Variants in DDX42 observed in about 807,000 individuals in gnomAD.
DDX42 encodes the protein DEAD-box helicase 42, also known as ATP-dependent RNA helicase DDX42.
A neutral mutation model predicts 101.5 loss-of-function variants in DDX42; 22 were observed. The observed-to-expected ratio is 0.22, with a 90% confidence interval of 0.15 to 0.31. The LOEUF (loss-of-function observed/expected upper bound fraction) is 0.31. Among genes scored for constraint, DDX42 ranks in the 10% least tolerant of loss-of-function variants. DDX42 has a pLI of 1.00. For missense variants in DDX42, 849 were observed against 1,199.9 expected, an observed-to-expected ratio of 0.71 and a Z score of 4.32; for synonymous variants, 402 against 401.2, an observed-to-expected ratio of 1.00 and a Z score of -0.02.
intron 6 of DDX42, 135 bp from the exon 7 acceptor site, chr17:63,804,936 A>G: frequency 1.8e-6 from 2 of 1,094,912 alleles, no homozygotes; most frequent in Non-Finnish European, 2.5e-6. Flanking sequence ...GCTGAGAATA[A>G]ATTAATTTTT....
Position 63,817,860 on chromosome 17 carries a change from C to T in DDX42, c.2279C>T (p.Ala760Val). 6.2e-7 allele frequency: 1 copy of T among 1,614,196 alleles called. No individual in the cohort carries two copies. Among genetic ancestry groups the T allele is most frequent in the East Asian group, 2.2e-5 (1 of 44,880 alleles). ...NSPDSPVTSAAKGIPGFGNTG... is the reference protein window; with the variant it reads ...NSPDSPVTSAVKGIPGFGNTG... Reference sequence around the variant, plus strand: ...CCTGACAGCCCCGTCACCAGTGCCGCCAAGGGCATCCCAGGCTTTGGCAAT... The same window carrying T: ...CCTGACAGCCCCGTCACCAGTGCCGTCAAGGGCATCCCAGGCTTTGGCAAT... Residue 760 changes from alanine to valine, a missense_variant, in exon 18 of 18, where the codon GCC becomes GTC. Around this residue, in one of 5 missense-constraint regions of DDX42, gnomAD observed 300 missense variants for 304.9 expected, o/e 0.98. Transcript: ENST00000389924.
intron 1 of DDX42, among the ~76,000 whole-genome samples, chr17:63,781,214 GT>G (rs2039483933): frequency 6.6e-6 from 1 of 151,874 alleles, no homozygotes; most frequent in South Asian, 2.1e-4. Flanking sequence ...AAGAATTTTA[GT>G]TCTTTTTGTT....
At position 63,813,409 on chromosome 17, in the gene DDX42, A is replaced by C. The variant is rs751321909; in HGVS notation, c.1857A>C (p.Gly619=). The change falls in exon 15 of 18, where the codon GGA becomes GGC. Residue 619 remains glycine, a synonymous_variant. Coordinates refer to ENST00000389924, the MANE Select transcript of DDX42 (RefSeq NM_203499.3). ...GTGACCTGGTCCGGAACTTGGAAGGAGCCAATCAACACGTTTCTAAGGAAC... is the reference window on the plus strand; with the variant it reads ...GTGACCTGGTCCGGAACTTGGAAGGCGCCAATCAACACGTTTCTAAGGAAC... The part of the protein sequence containing the change: ...FAGDLVRNLE[G]ANQHVSKELL... 15 of 1,614,092 alleles carry C rather than the reference A, an allele frequency of 9.3e-6. No individual in the cohort carries two copies. The highest frequency in any genetic ancestry group is 3.4e-6 in the Non-Finnish European group (4 of 1,180,054).
At chr17:63,779,908 T>G (rs1360392024) in intron 1 of DDX42, among the ~76,000 whole-genome samples, 3 of 152,080 alleles carry the variant, frequency 2.0e-5, no homozygotes, top group African/African-American at 7.2e-5. Flanking sequence ...AAATAGAAAT[T>G]TGGGTGGCTA....
intron 15 of DDX42, among the ~76,000 whole-genome samples, chr17:63,815,199 C>T (rs2039962120): frequency 6.6e-6 from 1 of 152,184 alleles, no homozygotes; most frequent in South Asian, 2.1e-4. Context: ...ATGTTTACGT[C>T]CAATAATACA....
At chr17:63,811,356 G>GA (rs2039908238) in intron 13 of DDX42, 183 bp downstream of exon 13, 1 of 485,320 alleles carries the variant, frequency 2.1e-6, no homozygotes, top group South Asian at 4.1e-5. Context: ...AAAATGTTGG[G>GA]AATCATTGAA....
chr17:63,783,451 T>C (rs552153810), intron 1 of DDX42, among the ~76,000 whole-genome samples: 1 of 152,302 alleles, frequency 6.6e-6, no homozygotes, highest in African/African-American at 2.4e-5. Flanking sequence ...ATTGAGCCCA[T>C]CCTTTTTGTT....
At chr17:63,808,104 G>T (rs1359875758) in intron 9 of DDX42, among the ~76,000 whole-genome samples, 1 of 152,128 alleles carries the variant, frequency 6.6e-6, no homozygotes, top group Non-Finnish European at 1.5e-5. Flanking sequence ...CTTTTGGAAA[G>T]TATTATGTGT....
intron 6 of DDX42, among the ~76,000 whole-genome samples, chr17:63,802,883 C>G (rs2039789063): frequency 6.7e-6 from 1 of 148,196 alleles, no homozygotes; most frequent in Non-Finnish European, 1.5e-5. Context: ...GCACTCCAGC[C>G]TGGGCAATAA....
At chr17:63,781,115 C>T (rs549907652) in intron 1 of DDX42, among the ~76,000 whole-genome samples, 1 of 152,330 alleles carries the variant, frequency 6.6e-6, no homozygotes, top group Admixed American at 6.5e-5. Context: ...TCATCTTCTA[C>T]TACTTACTTG....
chr17:63,813,515 C>A, intron 15 of DDX42, 61 bp downstream of exon 15: 2 of 1,459,016 alleles, frequency 1.4e-6, no homozygotes, highest in South Asian at 1.2e-5. Flanking sequence ...TTTTAGCAGT[C>A]CTGGAACAGA....
chr17:63,810,676 A>T, intron 12 of DDX42, 116 bp downstream of exon 12: 1 of 997,606 alleles, frequency 1.0e-6, no homozygotes, highest in Non-Finnish European at 1.6e-6. Context: ...GGTGAGAACC[A>T]TAATAAGGGA....
intron 1 of DDX42, among the ~76,000 whole-genome samples, chr17:63,780,302 C>CAA (rs10595007): frequency 6.9e-6 from 1 of 144,978 alleles, no homozygotes; most frequent in Admixed American, 6.9e-5. Flanking sequence ...CTCAAAAAAA[C>CAA]AAAAAAAAAA....
chr17:63,816,538 A>G (rs2039979240), intron 16 of DDX42: 1 of 183,892 alleles, frequency 5.4e-6, no homozygotes, highest in Non-Finnish European at 1.1e-5. Flanking sequence ...CAGTCACACA[A>G]TATGCTATTC....
intron 7 of DDX42, 79 bp downstream of exon 7, chr17:63,805,254 T>C: frequency 6.6e-7 from 1 of 1,513,624 alleles, no homozygotes; most frequent in Non-Finnish European, 8.9e-7. Context: ...TCTAAACTAA[T>C]AACCTTGAAT....
At chr17:63,797,117 C>T (rs1050023698) in intron 3 of DDX42, among the ~76,000 whole-genome samples, 1 of 151,978 alleles carries the variant, frequency 6.6e-6, no homozygotes, top group Non-Finnish European at 1.5e-5. Flanking sequence ...TTGCCTAGGC[C>T]GGGCGCGGTG....
rs1245005318 is a variant in DDX42, at chr17:63,818,642, T to C, written c.*244T>C. 7 of 486,480 alleles carry C rather than the reference T, an allele frequency of 1.4e-5. No homozygotes were observed. Among genetic ancestry groups the C allele is most frequent in the East Asian group, 3.5e-5 (1 of 28,952 alleles). 30.1% of individuals were successfully genotyped at this position (486,480 alleles called of 1,614,324 possible). A position where few individuals can be genotyped will look rare whatever the true frequency, so the allele number is the denominator to read the frequency against. ...TCTTTTGGCTCTAGGTGAGTTGTCA[T>C]GTGGGTAAGTTGAGGTTATCTTGGG... is the stretch of plus-strand genomic sequence containing the variant. On this transcript the variant is annotated 3_prime_UTR_variant, in exon 18 of 18. Transcript: ENST00000389924.
chr17:63,785,922 T>C (rs1279682502), intron 1 of DDX42, among the ~76,000 whole-genome samples: 2 of 152,238 alleles, frequency 1.3e-5, no homozygotes, highest in African/African-American at 4.8e-5. Context: ...TAACCTCTAG[T>C]TTTCGGAGAG....
rs1417755391 is a variant in DDX42, at chr17:63,815,748, T to C, written c.2013+75T>C. The C allele has an allele frequency of 3.8e-6, 4 of 1,039,402 alleles. No individual in the cohort carries two copies. The African/African-American group carries it at 4.9e-5, about 13-fold the overall frequency. 64.4% of individuals were successfully genotyped at this position (1,039,402 alleles called of 1,614,324 possible). A position where few individuals can be genotyped will look rare whatever the true frequency, so the allele number is the denominator to read the frequency against. Reference sequence around the variant, plus strand: ...GAAAGTCATTAGGAATATTCTCATCTACCCAGGAAAGCCTCAGTGAGTTTA... The same window carrying C: ...GAAAGTCATTAGGAATATTCTCATCCACCCAGGAAAGCCTCAGTGAGTTTA... On this transcript the variant is annotated intron_variant, in intron 16 of 17. Transcript: ENST00000389924.
Sources: allele counts gnomAD v4.1 joint callset (sites outside exome capture counted in the v4.1 genomes callset), GRCh38; gene constraint gnomAD v4.1.1; regional missense constraint gnomAD v4.1.1; transcripts MANE v1.5; gene names NCBI Gene and HGNC (gene_info 2026-07-23, HGNC 2026-07-21).